BAIAP2: variants seen among roughly 807,000 people sequenced by gnomAD.
BAIAP2 encodes the protein BAR/IMD domain-containing adapter protein 2.
Under a neutral mutation model 63.0 loss-of-function variants are expected in BAIAP2, and 18 were observed. That is an observed-to-expected ratio of 0.29 (90% CI 0.20 to 0.42). The LOEUF is 0.42. Ranked by LOEUF, BAIAP2 falls within the 10% of genes least tolerant of loss-of-function variation. The pLI is 1.00. For synonymous variants in BAIAP2, 386 were observed against 307.6 expected, an observed-to-expected ratio of 1.25 and a Z score of -2.67; for missense variants, 610 against 734.3, an observed-to-expected ratio of 0.83 and a Z score of 1.96.
chr17:81,036,797 G>C, intron 1 of BAIAP2: 1 of 1,367,204 alleles, frequency 7.3e-7, no homozygotes, highest in Non-Finnish European at 1.0e-6. Context: ...AGCACATGTT[G>C]TCAAGGGAGG....
intron 12 of BAIAP2, 57 bp downstream of exon 12, chr17:81,106,964 C>T (rs2059256961): frequency 6.9e-7 from 1 of 1,456,184 alleles, no homozygotes; most frequent in Non-Finnish European, 9.1e-7. Flanking sequence ...TGGGCTCAGC[C>T]TGCAGTCCCC....
intron 3 of BAIAP2, among the ~76,000 whole-genome samples, chr17:81,081,438 T>A (rs535029033): frequency 3.3e-5 from 5 of 152,030 alleles, no homozygotes; most frequent in Non-Finnish European, 7.4e-5. Context: ...CCACCCAGGG[T>A]GGATGGTGGA....
chr17:81,051,690 C>A (rs2048703679), intron 1 of BAIAP2, among the ~76,000 whole-genome samples: 1 of 151,944 alleles, frequency 6.6e-6, no homozygotes, highest in South Asian at 2.1e-4. Flanking sequence ...CCGTGTCCGG[C>A]CTGTTTTATT....
chr17:81,072,696 G>A (rs2052911585), intron 3 of BAIAP2, among the ~76,000 whole-genome samples: 1 of 152,174 alleles, frequency 6.6e-6, no homozygotes, highest in South Asian at 2.1e-4. Flanking sequence ...CTGAGCACAG[G>A]CGGGCGGACG....
intron 2 of BAIAP2, among the ~76,000 whole-genome samples, chr17:81,057,153 T>G (rs2049730600): frequency 6.6e-6 from 1 of 152,208 alleles, no homozygotes. Flanking sequence ...CCGCCCTTTC[T>G]GCGGCCTGGA....
intron 1 of BAIAP2, among the ~76,000 whole-genome samples, chr17:81,047,894 A>G (rs898065417): frequency 6.6e-6 from 1 of 152,250 alleles, no homozygotes; most frequent in Non-Finnish European, 1.5e-5. Flanking sequence ...ACACGGATAT[A>G]TGTGCATGCA....
intron 1 of BAIAP2, among the ~76,000 whole-genome samples, chr17:81,045,944 G>A (rs1008503715): frequency 6.6e-6 from 1 of 152,186 alleles, no homozygotes; most frequent in African/African-American, 2.4e-5. Context: ...CTCCAGAGAG[G>A]TGCCTGCTTC....
intron 2 of BAIAP2, chr17:81,056,564 T>C (rs1320670815): frequency 6.6e-6 from 1 of 152,282 alleles, no homozygotes; most frequent in Non-Finnish European, 1.5e-5. Flanking sequence ...GGGGCCTGTG[T>C]TCCCCTCCTC....
chr17:81,099,820 T>C (rs1007911029), intron 6 of BAIAP2, 108 bp from the exon 7 acceptor site: 10 of 1,299,300 alleles, frequency 7.7e-6, no homozygotes, highest in Non-Finnish European at 1.1e-5. Context: ...CCAGCTGCTC[T>C]GCATGAATGA....
Position 81,106,889 on chromosome 17 carries a change from C to T in BAIAP2, c.1482C>T (p.Ala494=), listed in dbSNP as rs201581416. The T allele has an allele frequency of 1.2e-4, 191 of 1,570,438 alleles. 2 individuals are homozygous for T. The East Asian group carries it at 3.4e-3, about 28-fold the overall frequency. ...TCAAGCAGAGGCCCTACAGTGTGGC[C>T]GTGCCCGCCTTCTCCCAGGTCAGTG... The part of the protein sequence containing the change: ...SGFKQRPYSV[A]VPAFSQGLDD... Residue 494 remains alanine, a synonymous_variant, in exon 12 of 14, where the codon GCC becomes GCT. Coordinates refer to ENST00000428708, the MANE Select transcript of BAIAP2 (RefSeq NM_001144888.2).
intron 10 of BAIAP2, 25 bp from the exon 11 acceptor site, chr17:81,106,053 C>T (rs1280236149): frequency 1.3e-6 from 2 of 1,560,820 alleles, no homozygotes; most frequent in Non-Finnish European, 1.7e-6. Context: ...CTGAGCGTGG[C>T]TCTTACCTGG....
intron 1 of BAIAP2, chr17:81,037,060 T>C (rs1315493824): frequency 4.9e-6 from 5 of 1,011,174 alleles, no homozygotes; most frequent in African/African-American, 4.8e-5. Flanking sequence ...TAGGTGAAGC[T>C]GTAATTTATC....
chr17:81,100,822 T>G (rs1212383221), intron 7 of BAIAP2, among the ~76,000 whole-genome samples: 3 of 152,048 alleles, frequency 2.0e-5, no homozygotes, highest in Non-Finnish European at 2.9e-5. Flanking sequence ...TCCCTGGGAC[T>G]CAAACCTGGT....
At chr17:81,098,127 C>G in intron 6 of BAIAP2, 2 of 1,439,686 alleles carry the variant, frequency 1.4e-6, no homozygotes, top group Non-Finnish European at 1.8e-6. Context: ...CATGCTCCTC[C>G]CAGAGGGACA....
intron 6 of BAIAP2, among the ~76,000 whole-genome samples, chr17:81,097,384 A>AC (rs1167837230): frequency 1.6e-4 from 25 of 152,118 alleles, no homozygotes; most frequent in Non-Finnish European, 3.5e-4. Flanking sequence ...GCTGGGACCG[A>AC]CCCACACCCT....
At chr17:81,086,388 C>T (rs190091807) in intron 5 of BAIAP2, 55 bp from the exon 6 acceptor site, 59 of 1,592,478 alleles carry the variant, frequency 3.7e-5, no homozygotes, top group Non-Finnish European at 4.4e-5. Context: ...GCCAGTGGTC[C>T]GCGCTGCGTT....
chr17:81,051,085 T>A (rs946193298), intron 1 of BAIAP2, among the ~76,000 whole-genome samples: 1 of 151,840 alleles, frequency 6.6e-6, no homozygotes, highest in African/African-American at 2.4e-5. Context: ...GTGGCCTCCC[T>A]GCCCCGGCTC....
At chr17:81,037,937 C>T (rs2046511594) in intron 1 of BAIAP2, among the ~76,000 whole-genome samples, 3 of 152,282 alleles carry the variant, frequency 2.0e-5, no homozygotes, top group African/African-American at 7.2e-5. Flanking sequence ...TTTCTGGTGG[C>T]TCCATTCCCT....
chr17:81,038,019 C>T (rs1225529305), intron 1 of BAIAP2, among the ~76,000 whole-genome samples: 1 of 152,230 alleles, frequency 6.6e-6, no homozygotes. Context: ...CCGGTGTTTG[C>T]CGAGAACATA....
Sources: allele counts gnomAD v4.1 joint callset (sites outside exome capture counted in the v4.1 genomes callset), GRCh38; gene constraint gnomAD v4.1.1; transcripts MANE v1.5; gene names NCBI Gene and HGNC (gene_info 2026-07-23, HGNC 2026-07-21).